Variants in NXPH1 observed in about 807,000 individuals in gnomAD.
NXPH1 encodes the protein neurexophilin-1.
Under a neutral mutation model 23.7 loss-of-function variants are expected in NXPH1, and 5 were observed. The observed-to-expected ratio is 0.21, with a 90% CI of 0.11 to 0.44. The LOEUF (loss-of-function observed/expected upper bound fraction) is 0.44, where lower values mean the gene tolerates loss of function less well. Among genes scored for constraint, NXPH1 ranks in the 20% least tolerant of loss-of-function variants. NXPH1 has a pLI of 0.99. For synonymous variants in NXPH1, 144 were observed against 122.2 expected, an observed-to-expected ratio of 1.18 and a Z score of -1.18; for missense variants, 324 against 321.6, an observed-to-expected ratio of 1.01 and a Z score of -0.06.
chr7:8,529,857 T>A (rs2128617118), intron 2 of NXPH1, among the ~76,000 whole-genome samples: 1 of 152,278 alleles, frequency 6.6e-6, no homozygotes, highest in South Asian at 2.1e-4. Flanking sequence ...TGAATTTAAT[T>A]TCTGGCCTCT....
At chr7:8,465,303 A>T (rs1364602475) in intron 2 of NXPH1, among the ~76,000 whole-genome samples, 1 of 152,192 alleles carries the variant, frequency 6.6e-6, no homozygotes, top group Admixed American at 6.5e-5. Context: ...TTTCAGTGTG[A>T]TCTATATAAA....
At chr7:8,567,152 T>G (rs1261982162) in intron 2 of NXPH1, among the ~76,000 whole-genome samples, 1 of 151,902 alleles carries the variant, frequency 6.6e-6, no homozygotes, top group Non-Finnish European at 1.5e-5. Flanking sequence ...GCTTCAAATC[T>G]TATGTTTCCA....
chr7:8,638,648 A>G (rs766035436), intron 2 of NXPH1, among the ~76,000 whole-genome samples: 2 of 152,178 alleles, frequency 1.3e-5, no homozygotes, highest in African/African-American at 4.8e-5. Flanking sequence ...GAGAGAGAAG[A>G]GCAAGGAATT....
At chr7:8,554,764 A>G (rs1046692883) in intron 2 of NXPH1, among the ~76,000 whole-genome samples, 2 of 151,730 alleles carry the variant, frequency 1.3e-5, no homozygotes, top group African/African-American at 2.4e-5. Context: ...GCTTGAAATA[A>G]TACAGCCCGT....
intron 2 of NXPH1, among the ~76,000 whole-genome samples, chr7:8,524,863 A>G (rs983218884): frequency 2.0e-5 from 3 of 152,198 alleles, no homozygotes; most frequent in East Asian, 1.9e-4. Flanking sequence ...TGTAAGTCCA[A>G]TTAAACTTCT....
intron 2 of NXPH1, among the ~76,000 whole-genome samples, chr7:8,513,244 G>T (rs1373215634): frequency 6.6e-6 from 1 of 151,914 alleles, no homozygotes; most frequent in Non-Finnish European, 1.5e-5. Flanking sequence ...CCAGGTGCAG[G>T]AAACAGAATA....
intron 2 of NXPH1, among the ~76,000 whole-genome samples, chr7:8,504,786 C>A (rs1195166690): frequency 6.6e-6 from 1 of 152,028 alleles, no homozygotes; most frequent in Non-Finnish European, 1.5e-5. Context: ...TGAAAGCTTG[C>A]TCTTGTTCTC....
At chr7:8,715,412 G>A (rs1779861608) in intron 2 of NXPH1, among the ~76,000 whole-genome samples, 2 of 152,106 alleles carry the variant, frequency 1.3e-5, no homozygotes, top group Non-Finnish European at 2.9e-5. Context: ...TGGTTCTTCT[G>A]AAGGTGCTTT....
intron 2 of NXPH1, among the ~76,000 whole-genome samples, chr7:8,679,079 C>G (rs912023183): frequency 2.0e-5 from 3 of 151,256 alleles, no homozygotes; most frequent in Admixed American, 2.0e-4. Context: ...TCCCGAGTAG[C>G]TGGGACTATA....
chr7:8,470,637 G>A (rs777050454), intron 2 of NXPH1, among the ~76,000 whole-genome samples: 11 of 152,148 alleles, frequency 7.2e-5, no homozygotes, highest in Non-Finnish European at 1.3e-4. Flanking sequence ...GTTCATGAGA[G>A]GGTGAGCATG....
chr7:8,743,913 C>T (rs2349779), intron 2 of NXPH1, among the ~76,000 whole-genome samples: 2,387 of 151,844 alleles, frequency 0.016, 42 homozygotes, highest in Admixed American at 0.021. Context: ...CTCTACCTCC[C>T]GACCTTGTGA....
chr7:8,503,036 C>T (rs1817461752), intron 2 of NXPH1, among the ~76,000 whole-genome samples: 1 of 151,888 alleles, frequency 6.6e-6, no homozygotes, highest in South Asian at 2.1e-4. Context: ...GGGTGGGAAA[C>T]CACTGAAAAT....
At chr7:8,717,766 T>G (rs1779900649) in intron 2 of NXPH1, among the ~76,000 whole-genome samples, 1 of 152,114 alleles carries the variant, frequency 6.6e-6, no homozygotes, top group South Asian at 2.1e-4. Flanking sequence ...ATGACAAACT[T>G]CTTGATCTTT....
At chr7:8,551,207 A>G (rs964936895) in intron 2 of NXPH1, among the ~76,000 whole-genome samples, 3 of 151,486 alleles carry the variant, frequency 2.0e-5, no homozygotes, top group Admixed American at 6.6e-5. Flanking sequence ...TTCAATTTCT[A>G]TTTTTAAACT....
chr7:8,561,417 C>A (rs1211442775), intron 2 of NXPH1, among the ~76,000 whole-genome samples: 2 of 149,184 alleles, frequency 1.3e-5, no homozygotes, highest in South Asian at 2.1e-4. Flanking sequence ...TTTTTCCCTC[C>A]CTCCTTCCCT....
intron 2 of NXPH1, among the ~76,000 whole-genome samples, chr7:8,625,519 T>C (rs1479486857): frequency 2.0e-5 from 3 of 152,104 alleles, no homozygotes; most frequent in Non-Finnish European, 4.4e-5. Context: ...CTGCCAAAGC[T>C]CTCAGTGACT....
At chr7:8,673,343 C>A (rs184243622) in intron 2 of NXPH1, among the ~76,000 whole-genome samples, 2 of 152,206 alleles carry the variant, frequency 1.3e-5, no homozygotes, top group Admixed American at 6.5e-5. Context: ...AGAAAAGTAT[C>A]AAGTTCTCAG....
chr7:8,618,109 C>T lies in NXPH1; in HGVS notation c.55-132899C>T, dbSNP rs144141143. 1.2e-4 allele frequency among the ~76,000 whole-genome samples: 18 copies of T among 152,178 alleles called. No individual in the cohort carries two copies. In the East Asian group the frequency reaches 3.5e-3, roughly 29 times the overall value. ...TGTCACTCGCCGCAGGGTTCTTCTG[C>T]CCATAAGGAATTATGATTTCTGTCC... On this transcript the variant is annotated intron_variant, in intron 2 of 2. Coordinates refer to ENST00000405863, the MANE Select transcript of NXPH1 (RefSeq NM_152745.3).
At chr7:8,523,391 C>A (rs565149060) in intron 2 of NXPH1, among the ~76,000 whole-genome samples, 1 of 152,316 alleles carries the variant, frequency 6.6e-6, no homozygotes, top group South Asian at 2.1e-4. Flanking sequence ...AGAGTCTTTT[C>A]TTCTCTCATG....
Sources: allele counts gnomAD v4.1 joint callset (sites outside exome capture counted in the v4.1 genomes callset), GRCh38; gene constraint gnomAD v4.1.1; transcripts MANE v1.5; gene names NCBI Gene and HGNC (gene_info 2026-07-23, HGNC 2026-07-21).